Variants in ADGRD1 observed in about 807,000 individuals in gnomAD.
ADGRD1 encodes G-protein coupled receptor 133.
ADGRD1 carries 77 observed loss-of-function variants against 113.4 expected under a neutral mutation model. The ratio of observed to expected loss-of-function variants is 0.68; its 90% CI spans 0.57 to 0.82. The LOEUF is 0.82. Among genes scored for constraint, ADGRD1 ranks in the 40% least tolerant of loss-of-function variants. The pLI is 0.00. For missense variants in ADGRD1, 1,036 were observed against 1,139.1 expected, an observed-to-expected ratio of 0.91 and a Z score of 1.30; for synonymous variants, 474 against 475.0, an observed-to-expected ratio of 1.00 and a Z score of 0.03.
chr12:131,018,440 G>A (rs1878903596), intron 13 of ADGRD1, among the ~76,000 whole-genome samples: 2 of 150,816 alleles, frequency 1.3e-5, no homozygotes, highest in Admixed American at 1.3e-4. Flanking sequence ...GTTCATCCCC[G>A]CGGTTTCCCA....
chr12:130,969,705 C>T (rs1871397423), intron 3 of ADGRD1: 1 of 152,218 alleles, frequency 6.6e-6, no homozygotes, highest in Admixed American at 6.5e-5. Flanking sequence ...ATGTAATGCA[C>T]TTGAATCATC....
chr12:131,031,118 G>C (rs1322211315), intron 13 of ADGRD1, among the ~76,000 whole-genome samples: 1 of 152,220 alleles, frequency 6.6e-6, no homozygotes, highest in East Asian at 1.9e-4. Context: ...GCCAGGGGCT[G>C]GGCGGTCTCA....
At position 130,993,954 on chromosome 12, in the gene ADGRD1, C is replaced by A. The variant is rs546223109; in HGVS notation, c.966+1562C>A. The A allele has an allele frequency of 1.9e-4, 31 of 163,830 alleles. No individual in the cohort carries two copies. In the East Asian group the frequency reaches 3.0e-3, roughly 16 times the overall value. The allele number at this position is 163,830 out of a possible 1,614,324, so 10.1% of individuals were successfully genotyped here. ...AGAACGGGTCGGGAGACTCCCTCCT[C>A]GTCAGGGGGAAATCTTTCCCATGGT... On this transcript the variant is annotated intron_variant, in intron 8 of 24. Coordinates refer to ENST00000261654, the MANE Select transcript of ADGRD1 (RefSeq NM_198827.5).
intron 13 of ADGRD1, among the ~76,000 whole-genome samples, chr12:131,066,850 G>T (rs1884759283): frequency 6.6e-6 from 1 of 152,198 alleles, no homozygotes; most frequent in Admixed American, 6.5e-5. Flanking sequence ...AGGCCGAGGG[G>T]CTGGAGGAGG....
At chr12:130,991,346 G>C (rs187804411) in intron 7 of ADGRD1, among the ~76,000 whole-genome samples, 18 of 152,134 alleles carry the variant, frequency 1.2e-4, no homozygotes, top group Non-Finnish European at 2.2e-4. Flanking sequence ...CGTGGGCGCC[G>C]TGAGTGGGGA....
chr12:130,967,883 C>T (rs1455021794), intron 3 of ADGRD1: 3 of 152,258 alleles, frequency 2.0e-5, no homozygotes, highest in Admixed American at 6.5e-5. Context: ...AAGGGTCGGC[C>T]TGGCAGGGCT....
At chr12:131,137,960 C>G (rs1951137871) in intron 23 of ADGRD1, 177 bp from the exon 24 acceptor site, 3 of 615,266 alleles carry the variant, frequency 4.9e-6, no homozygotes, top group African/African-American at 1.8e-5. Flanking sequence ...CAACCTGGCT[C>G]TGCCCCACAG....
At chr12:130,968,898 A>G in intron 3 of ADGRD1, 1 of 786,496 alleles carries the variant, frequency 1.3e-6, no homozygotes, top group Non-Finnish European at 2.1e-6. Flanking sequence ...TGCCTGCTGC[A>G]GGTTGAGAGA....
chr12:131,008,855 G>A (rs1241394141), intron 12 of ADGRD1, among the ~76,000 whole-genome samples: 1 of 152,208 alleles, frequency 6.6e-6, no homozygotes, highest in Non-Finnish European at 1.5e-5. Flanking sequence ...AGGCTGTGAG[G>A]GACTCACGGG....
intron 13 of ADGRD1, among the ~76,000 whole-genome samples, chr12:131,048,019 C>T (rs867093716): frequency 1.3e-5 from 2 of 152,164 alleles, no homozygotes; most frequent in Non-Finnish European, 2.9e-5. Context: ...GGCAGAGTGT[C>T]GGCTCCCCTG....
chr12:131,022,604 G>A lies in ADGRD1; in HGVS notation c.1473+8264G>A, dbSNP rs1593059249. ...TTCTGTTGCTCCCGTTGTCGCGGCCGTGACCGTCGGGAGCTCTGTCCAGTT... is the reference window on the plus strand; with the variant it reads ...TTCTGTTGCTCCCGTTGTCGCGGCCATGACCGTCGGGAGCTCTGTCCAGTT... On this transcript the variant is annotated intron_variant, in intron 13 of 24. Coordinates refer to ENST00000261654, the MANE Select transcript of ADGRD1 (RefSeq NM_198827.5). The surrounding 1 kb of genome is among the most constrained non-coding windows in gnomAD (Gnocchi z 4.6). Among the ~76,000 whole-genome samples the A allele has an allele frequency of 1.3e-5, 2 of 152,194 alleles. No homozygotes were observed. The highest frequency in any genetic ancestry group is 4.8e-5 in the African/African-American group (2 of 41,442).
chr12:131,037,148 C>CT (rs1566052759), intron 13 of ADGRD1, among the ~76,000 whole-genome samples: 1 of 142,362 alleles, frequency 7.0e-6, no homozygotes, highest in African/African-American at 2.6e-5. Context: ...GCCTCACTCA[C>CT]GGCACCGGGC....
At chr12:130,992,907 C>T (rs143938193) in intron 8 of ADGRD1, among the ~76,000 whole-genome samples, 13 of 152,244 alleles carry the variant, frequency 8.5e-5, no homozygotes, top group African/African-American at 2.6e-4. Flanking sequence ...GAGGGTGGAT[C>T]GTGGGCTCTC....
intron 12 of ADGRD1, among the ~76,000 whole-genome samples, chr12:131,011,813 G>T (rs568207399): frequency 2.0e-5 from 3 of 152,210 alleles, no homozygotes; most frequent in African/African-American, 7.2e-5. Context: ...AAAAGGCCAC[G>T]AGCATCGGGG....
intron 17 of ADGRD1, among the ~76,000 whole-genome samples, chr12:131,106,787 C>T (rs1052808400): frequency 1.3e-5 from 2 of 152,306 alleles, no homozygotes; most frequent in South Asian, 2.1e-4. Flanking sequence ...ACCTCAGACT[C>T]GGGAGCATCT....
At chr12:130,979,177 G>A (rs533971541) in intron 4 of ADGRD1, among the ~76,000 whole-genome samples, 208 of 152,288 alleles carry the variant, frequency 1.4e-3, no homozygotes, top group Middle Eastern at 6.8e-3. Flanking sequence ...CTGGGCACTC[G>A]GGAAGGCTGT....
chr12:131,032,318 G>C (rs369712986), intron 13 of ADGRD1, among the ~76,000 whole-genome samples: 1 of 152,128 alleles, frequency 6.6e-6, no homozygotes, highest in Non-Finnish European at 1.5e-5. Context: ...TGCCACTCGC[G>C]ACCCCGCCTA....
intron 13 of ADGRD1, among the ~76,000 whole-genome samples, chr12:131,052,226 G>A (rs1041296071): frequency 1.3e-5 from 2 of 152,180 alleles, no homozygotes; most frequent in African/African-American, 4.8e-5. Flanking sequence ...GGCTGTGCGA[G>A]CCACTCCCGG....
intron 13 of ADGRD1, among the ~76,000 whole-genome samples, chr12:131,067,247 G>T (rs1884793850): frequency 6.6e-6 from 1 of 152,194 alleles, no homozygotes; most frequent in Admixed American, 6.5e-5. Flanking sequence ...GCCCAGGTGG[G>T]GAAGCTGCAT....
Sources: gnomAD v4.1 joint callset for allele counts (sites outside exome capture counted in the v4.1 genomes callset) on GRCh38, gnomAD v4.1.1 for gene constraint, Gnocchi (gnomAD v3.1) non-coding constraint, MANE v1.5 for transcripts, NCBI Gene and HGNC (gene_info 2026-07-23, HGNC 2026-07-21) for gene names.